The following LRRC7 variants were observed in gnomAD, a reference collection of about 807,000 sequenced individuals.
LRRC7 encodes the protein leucine-rich repeat-containing protein 7.
In LRRC7, 23 loss-of-function variants were observed where a neutral mutation model predicts 175.7. The ratio of observed to expected loss-of-function variants is 0.13; its 90% confidence interval spans 0.09 to 0.19. The LOEUF is 0.19. LRRC7 is among the 10% of genes least tolerant of loss of function. LRRC7 has a pLI of 1.00. For synonymous variants in LRRC7, 685 were observed against 680.9 expected (o/e 1.01, Z -0.09); for missense variants, 1,354 against 1,904.7 (o/e 0.71, Z 5.38).
At chr1:69,843,121 C>T (rs954998194) in intron 7 of LRRC7, among the ~76,000 whole-genome samples, 10 of 151,928 alleles carry the variant, frequency 6.6e-5, no homozygotes, top group African/African-American at 2.2e-4. Flanking sequence ...ATCGCTTGAA[C>T]CTGGGAGGCA....
intron 11 of LRRC7, among the ~76,000 whole-genome samples, chr1:69,999,568 A>G (rs925749266): frequency 6.6e-6 from 1 of 152,156 alleles, no homozygotes; most frequent in African/African-American, 2.4e-5. Context: ...AATATAGCCA[A>G]TATAATAATG....
chr1:69,856,109 C>A (rs988368207), intron 7 of LRRC7, among the ~76,000 whole-genome samples: 3 of 152,106 alleles, frequency 2.0e-5, no homozygotes, highest in African/African-American at 7.2e-5. Context: ...TTAATTGGAG[C>A]ATTTAGCCCA....
At chr1:69,905,109 A>G (rs1206143133) in intron 7 of LRRC7, among the ~76,000 whole-genome samples, 1 of 152,086 alleles carries the variant, frequency 6.6e-6, no homozygotes, top group Non-Finnish European at 1.5e-5. Flanking sequence ...TCCATGTCTA[A>G]TTCCATGTCT....
intron 11 of LRRC7, among the ~76,000 whole-genome samples, chr1:70,000,597 C>T (rs1655430088): frequency 6.6e-6 from 1 of 152,198 alleles, no homozygotes; most frequent in Non-Finnish European, 1.5e-5. Flanking sequence ...CACACTGGCC[C>T]TTCTCCTGTG....
At chr1:69,748,768 C>T (rs1345798151) in intron 2 of LRRC7, among the ~76,000 whole-genome samples, 1 of 152,090 alleles carries the variant, frequency 6.6e-6, no homozygotes, top group Non-Finnish European at 1.5e-5. Context: ...GACTGAGGGT[C>T]CTTCCAAACT....
At chr1:69,927,645 G>A (rs1647127903) in intron 7 of LRRC7, among the ~76,000 whole-genome samples, 1 of 152,132 alleles carries the variant, frequency 6.6e-6, no homozygotes, top group Non-Finnish European at 1.5e-5. Flanking sequence ...TCGAGCCTTG[G>A]CTTTCAGCTC....
chr1:69,927,945 A>G (rs954160367), intron 7 of LRRC7, among the ~76,000 whole-genome samples: 2 of 151,726 alleles, frequency 1.3e-5, no homozygotes, highest in Non-Finnish European at 1.5e-5. Flanking sequence ...GGTTTTATCT[A>G]CTTTTGGTCT....
intron 8 of LRRC7, among the ~76,000 whole-genome samples, chr1:69,950,015 A>AT (rs11314218): frequency 6.6e-6 from 1 of 151,244 alleles, no homozygotes; most frequent in African/African-American, 2.4e-5. Context: ...TAGCAGCAGC[A>AT]TTTTTTTTCT....
At position 69,781,767 on chromosome 1, in the gene LRRC7, A is replaced by AGAGAG. The variant is rs1557719914; in HGVS notation, c.304-10276_304-10275insGAGAG. ...AGAGAGAGAGAGAGAGAGAGAGAGAAAGAAAGAAAGAAAGAAAGAAAGGAA... is the reference window on the plus strand; with the variant it reads ...AGAGAGAGAGAGAGAGAGAGAGAGAAGAGAGAGAAAGAAAGAAAGAAAGAAAGGAA... On this transcript the variant is annotated intron_variant, in intron 3 of 26. Transcript: ENST00000651989. 3.8e-4 allele frequency among the ~76,000 whole-genome samples: 11 copies of AGAGAG among 28,866 alleles called. 1 individual carries two copies. The highest frequency in any genetic ancestry group is 6.2e-4 in the Non-Finnish European group (10 of 16,136). The allele number at this position is 28,866 out of a possible 152,430, so 18.9% of individuals were successfully genotyped here.
intron 2 of LRRC7, among the ~76,000 whole-genome samples, chr1:69,725,190 C>T (rs1666813067): frequency 6.6e-6 from 1 of 151,958 alleles, no homozygotes; most frequent in Non-Finnish European, 1.5e-5. Flanking sequence ...AATATATATA[C>T]TGTTCATTAA....
chr1:69,669,671 A>T (rs1195516297), intron 1 of LRRC7, among the ~76,000 whole-genome samples: 2 of 152,170 alleles, frequency 1.3e-5, no homozygotes, highest in Non-Finnish European at 2.9e-5. Context: ...CCCTACCTCT[A>T]CCACCTCTTT....
intron 7 of LRRC7, chr1:69,919,255 G>A: frequency 2.2e-6 from 1 of 458,532 alleles, no homozygotes. Flanking sequence ...TGTGGTTGTA[G>A]TACACAAGCA....
chr1:69,835,495 TA>T (rs1335967506), intron 6 of LRRC7, among the ~76,000 whole-genome samples: 1 of 151,878 alleles, frequency 6.6e-6, no homozygotes, highest in Non-Finnish European at 1.5e-5. Flanking sequence ...TAATACAAGT[TA>T]AAACAATAAA....
At chr1:69,791,135 G>T (rs1048471635) in intron 3 of LRRC7, among the ~76,000 whole-genome samples, 3 of 151,980 alleles carry the variant, frequency 2.0e-5, no homozygotes, top group Admixed American at 6.5e-5. Context: ...ATCTCATTAA[G>T]ATAATTCTTC....
In LRRC7 at chr1:69,714,925, A is replaced by T. The variant is rs1211373789; in HGVS notation, c.100+36447A>T. On this transcript the variant is annotated intron_variant, in intron 2 of 26. Coordinates refer to ENST00000651989, the MANE Select transcript of LRRC7 (RefSeq NM_001370785.2). ...ACACATCATTTGCTAAGCTTTATTGATTCTAAGACTATGCATTTTGTGCAA... is the reference window on the plus strand; with the variant it reads ...ACACATCATTTGCTAAGCTTTATTGTTTCTAAGACTATGCATTTTGTGCAA... Among the ~76,000 whole-genome samples the T allele has an allele frequency of 3.3e-5, 5 of 152,180 alleles. No individual in the cohort carries two copies. The East Asian group carries it at 9.6e-4, about 29-fold the overall frequency.
chr1:69,703,816 C>A (rs1437809760), intron 2 of LRRC7, among the ~76,000 whole-genome samples: 1 of 151,876 alleles, frequency 6.6e-6, no homozygotes, highest in Non-Finnish European at 1.5e-5. Flanking sequence ...TAAAGAATAT[C>A]AACAAGAAAG....
At chr1:69,682,745 C>T (rs1660653571) in intron 2 of LRRC7, among the ~76,000 whole-genome samples, 1 of 109,952 alleles carries the variant, frequency 9.1e-6, no homozygotes, top group Non-Finnish European at 2.1e-5. Context: ...TTATAAGCTA[C>T]CTAGTTCATG....
In LRRC7 at chr1:70,140,177, A is replaced by G. The variant is rs923196056; in HGVS notation, c.*18290A>G. ...AAAATTGTTACATCAGGCTGCTTTT[A>G]TCAAGCTAAGCATGGGCATGCCTTT... On this transcript the variant is annotated 3_prime_UTR_variant, in exon 27 of 27. Transcript: ENST00000651989. The G allele has an allele frequency of 3.9e-5, 6 of 152,152 alleles. No individual in the cohort carries two copies. Among genetic ancestry groups the G allele is most frequent in the African/African-American group, 1.4e-4 (6 of 41,456 alleles). 9.4% of individuals were successfully genotyped at this position (152,152 alleles called of 1,614,324 possible). A position where few individuals can be genotyped will look rare whatever the true frequency, so the allele number is the denominator to read the frequency against.
chr1:70,097,550 C>T (rs1470787438), intron 25 of LRRC7, among the ~76,000 whole-genome samples: 10 of 151,414 alleles, frequency 6.6e-5, no homozygotes, highest in East Asian at 5.9e-4. Context: ...CATGCTGGTG[C>T]GCTGCACCCA....
Sources: gnomAD v4.1 joint callset for allele counts (sites outside exome capture counted in the v4.1 genomes callset) on GRCh38, gnomAD v4.1.1 for gene constraint, MANE v1.5 for transcripts, NCBI Gene and HGNC (gene_info 2026-07-23, HGNC 2026-07-21) for gene names.